The following CACNA2D3 variants were observed in gnomAD, a reference collection of about 807,000 sequenced individuals.
CACNA2D3 encodes the protein voltage-dependent calcium channel subunit alpha-2/delta-3.
In CACNA2D3, 60 loss-of-function variants were observed where a neutral mutation model predicts 160.6. The ratio of observed to expected loss-of-function variants is 0.37; its 90% CI spans 0.30 to 0.46. The LOEUF (loss-of-function observed/expected upper bound fraction) is 0.46, where lower values mean the gene tolerates loss of function less well. Among genes scored for constraint, CACNA2D3 ranks in the 20% least tolerant of loss-of-function variants. The pLI is 1.00. For missense variants in CACNA2D3, 1,205 were observed against 1,365.0 expected (o/e 0.88, Z 1.85); for synonymous variants, 558 against 492.9 (o/e 1.13, Z -1.75).
intron 4 of CACNA2D3, among the ~76,000 whole-genome samples, chr3:54,488,550 C>T (rs567886816): frequency 6.6e-6 from 1 of 152,254 alleles, no homozygotes; most frequent in East Asian, 1.9e-4. Flanking sequence ...CATCCTGACT[C>T]TCTAGGTCAT....
chr3:54,397,625 C>T lies in CACNA2D3; in HGVS notation c.381+10851C>T, dbSNP rs1391876105. 5.0e-3 allele frequency among the ~76,000 whole-genome samples: 516 copies of T among 104,140 alleles called. 2 individuals are homozygous for T. Among genetic ancestry groups the T allele is most frequent in the Admixed American group, 0.022 (200 of 8,974 alleles). The allele number at this position is 104,140 out of a possible 152,430, so 68.3% of individuals were successfully genotyped here. A position where few individuals can be genotyped will look rare whatever the true frequency, so the allele number is the denominator to read the frequency against. Reference sequence around the variant, plus strand: ...GTTCAGTTTCCATGTAGTTGAGCGGCTTTGAGTGAGATTCTTAATCCTGAG... The same window carrying T: ...GTTCAGTTTCCATGTAGTTGAGCGGTTTTGAGTGAGATTCTTAATCCTGAG... On this transcript the variant is annotated intron_variant, in intron 4 of 37. Coordinates refer to ENST00000474759, the MANE Select transcript of CACNA2D3 (RefSeq NM_018398.3).
chr3:54,517,632 A>G (rs1327749632), intron 5 of CACNA2D3, among the ~76,000 whole-genome samples: 1 of 152,192 alleles, frequency 6.6e-6, no homozygotes, highest in Non-Finnish European at 1.5e-5. Flanking sequence ...GTTTACTGAC[A>G]GTGACGTCAG....
intron 3 of CACNA2D3, among the ~76,000 whole-genome samples, chr3:54,323,123 AGCCATGT>A (rs1333727043): frequency 6.6e-6 from 1 of 152,144 alleles, no homozygotes; most frequent in Non-Finnish European, 1.5e-5. Flanking sequence ...CCTCACTGTG[AGCCATGT>A]GGCTCTCTTG....
intron 4 of CACNA2D3, among the ~76,000 whole-genome samples, chr3:54,428,250 C>T (rs748539322): frequency 6.6e-6 from 1 of 152,302 alleles, no homozygotes; most frequent in East Asian, 1.9e-4. Flanking sequence ...TCAGGTTCTT[C>T]GTAAGCGTGA....
intron 13 of CACNA2D3, among the ~76,000 whole-genome samples, chr3:54,783,747 A>G (rs978855594): frequency 2.0e-5 from 3 of 152,204 alleles, no homozygotes; most frequent in African/African-American, 7.2e-5. Flanking sequence ...TATCTCTTAC[A>G]TGGAGAGTTC....
intron 3 of CACNA2D3, among the ~76,000 whole-genome samples, chr3:54,354,849 A>G (rs568597381): frequency 4.6e-5 from 7 of 152,338 alleles, no homozygotes; most frequent in Non-Finnish European, 1.0e-4. Flanking sequence ...TAAGCCAACG[A>G]CTGCAGCTTT....
At chr3:54,739,767 G>A (rs935526020) in intron 11 of CACNA2D3, among the ~76,000 whole-genome samples, 2 of 149,812 alleles carry the variant, frequency 1.3e-5, no homozygotes, top group Non-Finnish European at 3.0e-5. Flanking sequence ...GTGTGTGTGT[G>A]TGTGTGTGTG....
intron 18 of CACNA2D3, 138 bp from the exon 19 acceptor site, chr3:54,878,880 G>T: frequency 1.9e-6 from 1 of 534,814 alleles, no homozygotes; most frequent in South Asian, 3.1e-5. Flanking sequence ...TGAGCAGTTG[G>T]GTGTTTTATT....
intron 14 of CACNA2D3, among the ~76,000 whole-genome samples, chr3:54,829,881 T>C (rs1703830739): frequency 7.5e-6 from 1 of 132,896 alleles, no homozygotes; most frequent in Admixed American, 7.9e-5. Context: ...TTCTTCTTCT[T>C]CATCTTTTTT....
chr3:54,229,810 T>C (rs1170386383), intron 2 of CACNA2D3, among the ~76,000 whole-genome samples: 1 of 152,180 alleles, frequency 6.6e-6, no homozygotes, highest in Non-Finnish European at 1.5e-5. Context: ...AATTTACTGT[T>C]CTGGGACCCA....
At position 54,948,061 on chromosome 3, in the gene CACNA2D3, G is replaced by A. The variant is rs566771884; in HGVS notation, c.2450-20389G>A. 3.3e-5 allele frequency among the ~76,000 whole-genome samples: 5 copies of A among 152,256 alleles called. No homozygotes were observed. In the East Asian group the frequency reaches 5.8e-4, roughly 18 times the overall value. On this transcript the variant is annotated intron_variant, in intron 27 of 37. Coordinates refer to ENST00000474759, the MANE Select transcript of CACNA2D3 (RefSeq NM_018398.3). ...CTTCAATACAGGGCAGACCTTCTAC[G>A]GAGGAGATGGTGATGTCCAGGTGAA...
intron 11 of CACNA2D3, among the ~76,000 whole-genome samples, chr3:54,712,580 A>T (rs532626623): frequency 4.6e-5 from 7 of 152,326 alleles, no homozygotes; most frequent in Non-Finnish European, 8.8e-5. Context: ...ACCTTCCACC[A>T]TGATTGTGAG....
intron 13 of CACNA2D3, among the ~76,000 whole-genome samples, chr3:54,785,586 A>G (rs1702624250): frequency 1.3e-5 from 2 of 152,330 alleles, no homozygotes; most frequent in Admixed American, 6.5e-5. Flanking sequence ...TTGTCTACCT[A>G]AATGACAAGC....
intron 2 of CACNA2D3, among the ~76,000 whole-genome samples, chr3:54,235,463 G>A (rs1222445559): frequency 6.6e-6 from 1 of 152,110 alleles, no homozygotes; most frequent in East Asian, 1.9e-4. Context: ...AGAGATGGGG[G>A]AGGTGCCACG....
rs180976939 is a variant in CACNA2D3 at position 54,944,391 on chromosome 3, C to T, written c.2450-24059C>T. On this transcript the variant is annotated intron_variant, in intron 27 of 37. Transcript: ENST00000474759. Reference sequence around the variant, plus strand: ...TTTTGACTGTTTTATTTTAAATTTCCCAGGGTATTTATTTATTTATTTATT... The same window carrying T: ...TTTTGACTGTTTTATTTTAAATTTCTCAGGGTATTTATTTATTTATTTATT... 1.3e-3 allele frequency among the ~76,000 whole-genome samples: 194 copies of T among 148,350 alleles called. 1 individual carries two copies. The highest frequency in any genetic ancestry group is 5.2e-3 in the Admixed American group (77 of 14,886).
intron 27 of CACNA2D3, among the ~76,000 whole-genome samples, chr3:54,964,886 A>G (rs1702111454): frequency 6.6e-6 from 1 of 151,826 alleles, no homozygotes; most frequent in South Asian, 2.1e-4. Context: ...AATGAGCTCA[A>G]TCCCGTTACT....
rs746500632 is a variant in CACNA2D3, at chr3:54,627,870, G to A, written c.1047G>A (p.Leu349=). The A allele has an allele frequency of 6.3e-7, 1 of 1,594,304 alleles. No individual in the cohort carries two copies. The highest frequency in any genetic ancestry group is 1.1e-5 in the South Asian group (1 of 88,144). ...CTCTGAATGAGGCCTTCAACATTCT[G>A]AGTGATGTAAGTTCCTCTTTGATTT... ...DIALNEAFNI[L]SDFNHTGQGS... Residue 349 remains leucine, a synonymous_variant, in exon 10 of 38, where the codon CTG becomes CTA. Coordinates refer to ENST00000474759, the MANE Select transcript of CACNA2D3 (RefSeq NM_018398.3).
intron 21 of CACNA2D3, among the ~76,000 whole-genome samples, chr3:54,881,999 G>A (rs2106844288): frequency 6.6e-6 from 1 of 152,322 alleles, no homozygotes; most frequent in East Asian, 1.9e-4. Flanking sequence ...GGGGCAGAAA[G>A]GAGAGTAGAG....
At chr3:54,587,569 A>G (rs914570709) in intron 9 of CACNA2D3, among the ~76,000 whole-genome samples, 2 of 152,108 alleles carry the variant, frequency 1.3e-5, no homozygotes, top group African/African-American at 4.8e-5. Flanking sequence ...AAAACAAGTT[A>G]AAAAAATTTA....
Sources: allele counts gnomAD v4.1 joint callset (sites outside exome capture counted in the v4.1 genomes callset), GRCh38; gene constraint gnomAD v4.1.1; transcripts MANE v1.5; gene names NCBI Gene and HGNC (gene_info 2026-07-23, HGNC 2026-07-21).